Variants in WWC2 observed in about 807,000 individuals in gnomAD.
The protein encoded by WWC2 is WW and C2 domain containing 2.
In WWC2, 101 loss-of-function variants were observed where a neutral mutation model predicts 138.5. The observed-to-expected ratio is 0.73, with a 90% CI of 0.62 to 0.86. WWC2 has a LOEUF of 0.86. Among genes scored for constraint, WWC2 ranks in the 40% least tolerant of loss-of-function variants. The probability of loss-of-function intolerance (pLI) is 0.00; values close to 1 mark genes in which losing one functional copy is unlikely to be tolerated. For synonymous variants in WWC2, 558 were observed against 538.4 expected (o/e 1.04, Z -0.50); for missense variants, 1,420 against 1,419.4 (o/e 1.00, Z -0.01).
chr4:183,140,471 T>G (rs1174733649), intron 1 of WWC2, among the ~76,000 whole-genome samples: 4 of 152,180 alleles, frequency 2.6e-5, no homozygotes, highest in African/African-American at 9.7e-5. Context: ...TTGAGACCAC[T>G]GCTTCAAGGG....
At chr4:183,194,434 T>A (rs1286349465) in intron 2 of WWC2, among the ~76,000 whole-genome samples, 1 of 152,254 alleles carries the variant, frequency 6.6e-6, no homozygotes, top group Non-Finnish European at 1.5e-5. Context: ...TAGCATACAA[T>A]ACTCATTCAC....
At chr4:183,289,732 TAA>T (rs1738378077) in intron 21 of WWC2, 97 bp downstream of exon 21, 4 of 1,510,534 alleles carry the variant, frequency 2.6e-6, no homozygotes, top group South Asian at 1.3e-5. Flanking sequence ...GTTTTGCGCA[TAA>T]GTCTTTAGAT....
chr4:183,112,638 G>A (rs1241382429), intron 1 of WWC2, among the ~76,000 whole-genome samples: 3 of 152,184 alleles, frequency 2.0e-5, no homozygotes, highest in Admixed American at 1.3e-4. Context: ...GAATGAAATA[G>A]GTGAGATCTC....
At chr4:183,281,949 C>G (rs561869369) in intron 17 of WWC2, among the ~76,000 whole-genome samples, 3 of 152,170 alleles carry the variant, frequency 2.0e-5, no homozygotes, top group Admixed American at 2.0e-4. Context: ...TTAATGGTTC[C>G]CCTTGTGTTC....
At chr4:183,184,822 T>A (rs1334493203) in intron 1 of WWC2, among the ~76,000 whole-genome samples, 5 of 152,234 alleles carry the variant, frequency 3.3e-5, no homozygotes, top group African/African-American at 1.2e-4. Flanking sequence ...TTCAAATTAG[T>A]TAAGTATCCT....
chr4:183,319,522 G>A lies in WWC2; in HGVS notation c.*3793G>A, dbSNP rs201257600. The A allele has an allele frequency of 3.0e-4, 469 of 1,555,798 alleles. No individual in the cohort carries two copies. In the Middle Eastern group the frequency reaches 4.0e-3, roughly 13 times the overall value. On this transcript the variant is annotated 3_prime_UTR_variant, in exon 23 of 23. Transcript: ENST00000403733. ...CTACCAAATCCAGTGTTGAGCAAGC[G>A]TCTCCTGAACAGCAGACGCTTGTCC...
intron 21 of WWC2, among the ~76,000 whole-genome samples, chr4:183,310,776 C>CATCT (rs914719341): frequency 7.4e-5 from 10 of 135,668 alleles, no homozygotes; most frequent in African/African-American, 2.5e-4. Context: ...GCCTGGACTT[C>CATCT]ATCTGTTTTG....
intron 9 of WWC2, among the ~76,000 whole-genome samples, 167 bp downstream of exon 9, chr4:183,254,166 C>T (rs975736971): frequency 1.3e-5 from 2 of 152,102 alleles, no homozygotes; most frequent in African/African-American, 2.4e-5. Context: ...TCCTAATGCC[C>T]GACAGGATAA....
intron 20 of WWC2, among the ~76,000 whole-genome samples, chr4:183,288,938 A>AT (rs1738342452): frequency 6.6e-6 from 1 of 152,222 alleles, no homozygotes; most frequent in Non-Finnish European, 1.5e-5. Flanking sequence ...GTATTTATTT[A>AT]TTACACTAGG....
chr4:183,230,481 G>A (rs1040724438), intron 4 of WWC2, among the ~76,000 whole-genome samples: 1 of 152,030 alleles, frequency 6.6e-6, no homozygotes, highest in South Asian at 2.1e-4. Flanking sequence ...GTTCGAGACC[G>A]GCCTGACCAA....
At position 183,248,792 on chromosome 4, in the gene WWC2, G is replaced by A. The variant is rs1736880552; in HGVS notation, c.811G>A (p.Val271Met). Residue 271 changes from valine (V) to methionine (M), a missense_variant, in exon 7 of 23, where the codon GTG becomes ATG. Transcript: ENST00000403733. ...RSEPDLRCSP[V>M]NSHLCLSRQT... is the part of the protein sequence containing the mutation. ...TGAGCCAGATTTGAGATGTAGTCCT[G>A]TGAACTCTCATTTATGTCTCTCCAG... 6.2e-7 allele frequency: 1 copy of A among 1,604,216 alleles called. No homozygotes were observed. The highest frequency in any genetic ancestry group is 1.3e-5 in the African/African-American group (1 of 74,780).
At position 183,224,841 on chromosome 4, in the gene WWC2, G is replaced by A. The variant is rs141079339; in HGVS notation, c.523-15342G>A. Among the ~76,000 whole-genome samples the A allele has an allele frequency of 4.9e-4, 74 of 152,166 alleles. 1 individual carries two copies. The Middle Eastern group carries it at 0.017, about 35-fold the overall frequency. ...CTCTCAAAGTTCTGGGATTACAGGT[G>A]TGAGCCACTGCACCTGGCCTATTTG... On this transcript the variant is annotated intron_variant, in intron 4 of 22. Transcript: ENST00000403733.
chr4:183,278,973 C>G (rs953654887), intron 16 of WWC2, among the ~76,000 whole-genome samples: 2 of 151,524 alleles, frequency 1.3e-5, no homozygotes, highest in Non-Finnish European at 2.9e-5. Context: ...CCTTTATTTC[C>G]TTCTCCTGCC....
chr4:183,282,705 T>C lies in WWC2; in HGVS notation c.2685-3T>C, dbSNP rs376631046. 2 of 1,563,202 alleles carry C rather than the reference T, an allele frequency of 1.3e-6. No individual in the cohort carries two copies. Among genetic ancestry groups the C allele is most frequent in the African/African-American group, 1.4e-5 (1 of 73,720 alleles). ...AAAGTGTTTTGTTTTTGTTTTACCA[T>C]AGGCTAACAATGCTAAGAGAGGCCT... On this transcript the variant is annotated splice_region_variant and splice_polypyrimidine_tract_variant and intron_variant, in intron 17 of 22. Coordinates refer to ENST00000403733, the MANE Select transcript of WWC2 (RefSeq NM_024949.6).
chr4:183,101,798 C>G lies in WWC2; in HGVS notation c.131+2176C>G, dbSNP rs1743188895. On this transcript the variant is annotated intron_variant, in intron 1 of 22. Coordinates refer to ENST00000403733, the MANE Select transcript of WWC2 (RefSeq NM_024949.6). Reference sequence around the variant, plus strand: ...CTTCTGCAGGATCAACTTACAAATTCTGAAAGAAAAACAACTTGATATACT... The same window carrying G: ...CTTCTGCAGGATCAACTTACAAATTGTGAAAGAAAAACAACTTGATATACT... 2.0e-5 allele frequency among the ~76,000 whole-genome samples: 3 copies of G among 152,150 alleles called. No individual in the cohort carries two copies. In the South Asian group the frequency reaches 6.2e-4, roughly 32 times the overall value.
chr4:183,214,666 C>T lies in WWC2; in HGVS notation c.522+5641C>T, dbSNP rs1355575886. On this transcript the variant is annotated intron_variant, in intron 4 of 22. Transcript: ENST00000403733. ...AATTAGCCAGGTGTGGTGGCACATG[C>T]CCGTAATCCCAGCTACTAGGGAGGC... 2.6e-5 allele frequency among the ~76,000 whole-genome samples: 4 copies of T among 152,052 alleles called. No individual in the cohort carries two copies. The South Asian group carries it at 6.2e-4, about 24-fold the overall frequency.
At chr4:183,123,124 G>A (rs963979279) in intron 1 of WWC2, among the ~76,000 whole-genome samples, 1 of 152,140 alleles carries the variant, frequency 6.6e-6, no homozygotes, top group Non-Finnish European at 1.5e-5. Flanking sequence ...TGTATGTCAG[G>A]TTAAACATTT....
At chr4:183,136,091 T>G (rs1483986378) in intron 1 of WWC2, among the ~76,000 whole-genome samples, 2 of 152,166 alleles carry the variant, frequency 1.3e-5, no homozygotes, top group African/African-American at 4.8e-5. Context: ...GGGTATAGAT[T>G]GCTTTCTATT....
chr4:183,303,007 G>A (rs1379062768), intron 21 of WWC2, among the ~76,000 whole-genome samples: 1 of 147,484 alleles, frequency 6.8e-6, no homozygotes, highest in African/African-American at 2.5e-5. Flanking sequence ...GGGAGGTTGA[G>A]CTGAGATCGT....
Sources: allele counts gnomAD v4.1 joint callset (sites outside exome capture counted in the v4.1 genomes callset), GRCh38; gene constraint gnomAD v4.1.1; transcripts MANE v1.5; gene names NCBI Gene and HGNC (gene_info 2026-07-23, HGNC 2026-07-21).